The following SNAP91 variants were observed in gnomAD, a reference collection of about 807,000 sequenced individuals.
The protein encoded by SNAP91 is synaptosome associated protein 91.
SNAP91 carries 27 observed loss-of-function variants against 100.3 expected under a neutral mutation model. The ratio of observed to expected loss-of-function variants is 0.27; its 90% CI spans 0.20 to 0.37. SNAP91 has a LOEUF of 0.37. SNAP91 is among the 10% of genes least tolerant of loss of function. SNAP91 has a pLI of 1.00. For missense variants in SNAP91, 986 were observed against 1,123.7 expected, an observed-to-expected ratio of 0.88 and a Z score of 1.75; for synonymous variants, 404 against 398.6, an observed-to-expected ratio of 1.01 and a Z score of -0.16.
At chr6:83,595,678 T>C (rs1219008208) in intron 16 of SNAP91, among the ~76,000 whole-genome samples, 2 of 152,192 alleles carry the variant, frequency 1.3e-5, no homozygotes, top group African/African-American at 4.8e-5. Context: ...CCGCAATATC[T>C]ACTCATGTTT....
At chr6:83,671,985 T>A (rs912644142) in intron 2 of SNAP91, among the ~76,000 whole-genome samples, 4 of 152,076 alleles carry the variant, frequency 2.6e-5, no homozygotes, top group Admixed American at 2.6e-4. Flanking sequence ...ATCATAGCTG[T>A]CACTTGCTCA....
At chr6:83,636,784 G>A (rs1562452103) in intron 8 of SNAP91, among the ~76,000 whole-genome samples, 1 of 152,190 alleles carries the variant, frequency 6.6e-6, no homozygotes, top group African/African-American at 2.4e-5. Context: ...TCGTCTGAGG[G>A]AGCTGGCTTT....
At chr6:83,615,065 A>G (rs753739897) in intron 10 of SNAP91, among the ~76,000 whole-genome samples, 48 of 152,316 alleles carry the variant, frequency 3.2e-4, no homozygotes, top group Admixed American at 1.0e-3. Flanking sequence ...GAAATGGAGG[A>G]CTATTGAATT....
rs3798864 is a variant in SNAP91, at chr6:83,644,140, T to C, written c.659-2938A>G. ...CTTTGCATCTGATCTTCAGCAATAA[T>C]ACAAAAAGAAAAATCAAGCTGAATA... is the stretch of plus-strand genomic sequence containing the variant. On this transcript the variant is annotated intron_variant, in intron 7 of 29. Transcript: ENST00000369694. Among the ~76,000 whole-genome samples, 46 of 152,262 alleles carry C rather than the reference T, an allele frequency of 3.0e-4. No individual in the cohort carries two copies. The East Asian group carries it at 6.6e-3, about 22-fold the overall frequency.
chr6:83,638,872 G>A (rs1446227846), intron 8 of SNAP91, among the ~76,000 whole-genome samples: 3 of 152,224 alleles, frequency 2.0e-5, no homozygotes, highest in African/African-American at 7.2e-5. Flanking sequence ...ATCTACCTTA[G>A]AATAGAAAAC....
At chr6:83,704,953 T>C (rs2099359668) in intron 2 of SNAP91, among the ~76,000 whole-genome samples, 1 of 152,230 alleles carries the variant, frequency 6.6e-6, no homozygotes, top group Non-Finnish European at 1.5e-5. Context: ...TTCACTTTTA[T>C]AACTGGTGTT....
At chr6:83,687,969 A>G (rs1346317338) in intron 2 of SNAP91, among the ~76,000 whole-genome samples, 1 of 152,120 alleles carries the variant, frequency 6.6e-6, no homozygotes, top group Non-Finnish European at 1.5e-5. Context: ...AGGTTGAGGG[A>G]CGTGGAAGAC....
chr6:83,678,989 C>A, intron 2 of SNAP91: 1 of 672,838 alleles, frequency 1.5e-6, no homozygotes, highest in Non-Finnish European at 2.0e-6. Context: ...TCCACAAGGT[C>A]CACATCCTCA....
At chr6:83,592,576 C>T (rs1218253447) in intron 20 of SNAP91, 38 bp from the exon 21 acceptor site, 5 of 1,530,420 alleles carry the variant, frequency 3.3e-6, no homozygotes, top group East Asian at 2.4e-5. Flanking sequence ...TGCATGTCAC[C>T]CAAGGGAAAA....
At chr6:83,707,644 G>A (rs946980348) in intron 2 of SNAP91, among the ~76,000 whole-genome samples, 154 bp downstream of exon 2, 1 of 151,786 alleles carries the variant, frequency 6.6e-6, no homozygotes, top group Non-Finnish European at 1.5e-5. Flanking sequence ...TAACCCAAGG[G>A]AACACCTTCA....
intron 3 of SNAP91, among the ~76,000 whole-genome samples, chr6:83,663,170 C>A (rs12199980): frequency 0.046 from 7,067 of 152,194 alleles, 200 homozygotes; most frequent in East Asian, 0.077. Flanking sequence ...CTGACTTTCT[C>A]CCTTTCCTCA....
intron 2 of SNAP91, among the ~76,000 whole-genome samples, chr6:83,666,307 CAA>C (rs1210981856): frequency 6.6e-6 from 1 of 152,038 alleles, no homozygotes; most frequent in African/African-American, 2.4e-5. Context: ...TTAATGCTGT[CAA>C]AGAGTTAGCT....
chr6:83,691,564 T>A (rs2099130515), intron 2 of SNAP91, among the ~76,000 whole-genome samples: 1 of 152,146 alleles, frequency 6.6e-6, no homozygotes, highest in African/African-American at 2.4e-5. Context: ...TCAATGGCAA[T>A]TTATTAGTGC....
intron 8 of SNAP91, among the ~76,000 whole-genome samples, chr6:83,624,165 GA>G (rs1208845398): frequency 1.3e-5 from 2 of 152,162 alleles, no homozygotes; most frequent in Non-Finnish European, 2.9e-5. Context: ...TTAGCATGGG[GA>G]TAGGGGCAGA....
intron 9 of SNAP91, among the ~76,000 whole-genome samples, chr6:83,622,791 A>G (rs912532767): frequency 6.6e-6 from 1 of 152,016 alleles, no homozygotes; most frequent in African/African-American, 2.4e-5. Flanking sequence ...CTCATCTACC[A>G]CTACTATTTT....
At chr6:83,659,719 A>G (rs2098498604) in intron 5 of SNAP91, among the ~76,000 whole-genome samples, 1 of 152,028 alleles carries the variant, frequency 6.6e-6, no homozygotes, top group Non-Finnish European at 1.5e-5. Context: ...GCCATGAGCC[A>G]CTTTGCCCAA....
chr6:83,658,874 A>C (rs1423209554), intron 6 of SNAP91, 125 bp downstream of exon 6: 1 of 695,488 alleles, frequency 1.4e-6, no homozygotes, highest in Non-Finnish European at 2.4e-6. Flanking sequence ...AGCCTGAACT[A>C]AGTATTCATC....
intron 8 of SNAP91, among the ~76,000 whole-genome samples, chr6:83,626,150 T>C (rs939165057): frequency 5.3e-5 from 8 of 152,092 alleles, no homozygotes; most frequent in African/African-American, 1.7e-4. Flanking sequence ...TGCCAACTTA[T>C]CAAAGATCAG....
At chr6:83,602,400 G>T (rs1260974467) in intron 14 of SNAP91, among the ~76,000 whole-genome samples, 3 of 151,940 alleles carry the variant, frequency 2.0e-5, no homozygotes, top group African/African-American at 7.2e-5. Context: ...TATGGTCCTT[G>T]GAAATGAGAC....
Sources: gnomAD v4.1 joint callset for allele counts (sites outside exome capture counted in the v4.1 genomes callset) on GRCh38, gnomAD v4.1.1 for gene constraint, MANE v1.5 for transcripts, NCBI Gene and HGNC (gene_info 2026-07-23, HGNC 2026-07-21) for gene names.